The following ADARB1 variants were observed in gnomAD, a reference collection of about 807,000 sequenced individuals.
ADARB1 encodes double-stranded RNA-specific editase 1.
A neutral mutation model predicts 52.4 loss-of-function variants in ADARB1; 10 were observed. The ratio of observed to expected loss-of-function variants is 0.19; its 90% CI spans 0.12 to 0.32. The LOEUF (loss-of-function observed/expected upper bound fraction) is 0.32, where lower values mean the gene tolerates loss of function less well. Among genes scored for constraint, ADARB1 ranks in the 10% least tolerant of loss-of-function variants. ADARB1 has a pLI of 1.00. For missense variants in ADARB1, 643 were observed against 922.3 expected (o/e 0.70, Z 3.92); for synonymous variants, 349 against 371.1 (o/e 0.94, Z 0.68).
intron 3 of ADARB1, among the ~76,000 whole-genome samples, chr21:45,174,246 G>T (rs1161264384): frequency 6.6e-6 from 1 of 152,184 alleles, no homozygotes; most frequent in Non-Finnish European, 1.5e-5. Context: ...TTGAAATCTA[G>T]TGGTAGATGT....
At chr21:45,113,517 GTGTGTGTA>G (rs1330076791) in intron 1 of ADARB1, among the ~76,000 whole-genome samples, 2 of 149,926 alleles carry the variant, frequency 1.3e-5, no homozygotes, top group African/African-American at 2.4e-5. Flanking sequence ...GTGTGTGTGT[GTGTGTGTA>G]TATATATATA....
intron 3 of ADARB1, 131 bp from the exon 4 acceptor site, chr21:45,175,599 C>T (rs1242917834): frequency 3.3e-6 from 3 of 906,966 alleles, no homozygotes; most frequent in Non-Finnish European, 5.1e-6. Context: ...TTCATGTATA[C>T]ATCAAGGAAT....
In ADARB1 at chr21:45,220,854, C is replaced by T; in HGVS notation, c.1766C>T (p.Ala589Val). 1 of 1,613,282 alleles carries T rather than the reference C, an allele frequency of 6.2e-7. No homozygotes were observed. Among genetic ancestry groups the T allele is most frequent in the East Asian group, 2.2e-5 (1 of 44,872 alleles). The part of the protein sequence containing the change: ...PLLSGISNAE[A>V]RQPGKAPNFS... ...GTTTCAGGCATCAGCAATGCAGAAG[C>T]ACGGCAGCCAGGGAAGGCCCCCAAC... Residue 589 changes from alanine to valine, a missense_variant, in exon 10 of 11, where the codon GCA (alanine) becomes GTA (valine). Around this residue, in one of 2 missense-constraint regions of ADARB1, gnomAD observed 263 missense variants for 475.8 expected, o/e 0.55. Transcript: ENST00000348831. This position sits in a 1 kb window ranked among gnomAD's most constrained non-coding sequence, Gnocchi z 6.3.
intron 2 of ADARB1, among the ~76,000 whole-genome samples, chr21:45,150,255 C>T (rs1173009750): frequency 6.6e-6 from 1 of 152,194 alleles, no homozygotes; most frequent in Non-Finnish European, 1.5e-5. Flanking sequence ...GCCTGGGCAA[C>T]AGAGCAAAAC....
At chr21:45,144,223 A>G (rs1483897420) in intron 2 of ADARB1, among the ~76,000 whole-genome samples, 1 of 152,240 alleles carries the variant, frequency 6.6e-6, no homozygotes, top group Admixed American at 6.5e-5. Context: ...TAATAAACTC[A>G]TATTTCCCCT....
chr21:45,213,628 T>A (rs2092810451), intron 9 of ADARB1, among the ~76,000 whole-genome samples: 2 of 152,262 alleles, frequency 1.3e-5, no homozygotes, highest in Non-Finnish European at 2.9e-5. Context: ...TCTGGGATTT[T>A]ACATAAATGT....
At chr21:45,165,422 GTGTT>G (rs1458818087) in intron 2 of ADARB1, among the ~76,000 whole-genome samples, 1 of 152,092 alleles carries the variant, frequency 6.6e-6, no homozygotes, top group East Asian at 1.9e-4. Context: ...TAGAAAAAAT[GTGTT>G]TGCTGAAAAT....
rs892731305 is a variant in ADARB1 at position 45,224,145 on chromosome 21, G to T, written c.*1948G>T. On this transcript the variant is annotated 3_prime_UTR_variant, in exon 11 of 11. Transcript: ENST00000348831. ...TGCATTTTTATTGTCTTGATAAATT[G>T]TATTTTTTTCTAATGGGGATTGGGA... is the stretch of plus-strand genomic sequence containing the variant. 9 of 985,402 alleles carry T rather than the reference G, an allele frequency of 9.1e-6. No individual in the cohort carries two copies. The highest frequency in any genetic ancestry group is 5.2e-4 in the Middle Eastern group (1 of 1,914). The allele number at this position is 985,402 out of a possible 1,614,324, so 61.0% of individuals were successfully genotyped here.
At chr21:45,184,534 G>A (rs994308069) in intron 7 of ADARB1, 2 of 351,502 alleles carry the variant, frequency 5.7e-6, no homozygotes, top group Admixed American at 3.2e-5. Context: ...CTGCAGCCTC[G>A]ACCTCCTGGG....
In ADARB1 at chr21:45,208,928, T is replaced by C. The variant is rs997434222; in HGVS notation, c.1747+4192T>C. On this transcript the variant is annotated intron_variant, in intron 9 of 10. Coordinates refer to ENST00000348831, the MANE Select transcript of ADARB1 (RefSeq NM_001112.4). The surrounding 1 kb of genome is among the most constrained non-coding windows in gnomAD (Gnocchi z 5.6). ...TTCTTTTCATCTGACAATTTTTCTT[T>C]CCATTTTACTTTCTGTTTTCCTCCC... Among the ~76,000 whole-genome samples the C allele has an allele frequency of 6.6e-6, 1 of 152,200 alleles. No individual in the cohort carries two copies. Among genetic ancestry groups the C allele is most frequent in the Admixed American group, 6.5e-5 (1 of 15,284 alleles).
intron 2 of ADARB1, among the ~76,000 whole-genome samples, chr21:45,129,365 T>C (rs1052860349): frequency 1.3e-5 from 2 of 152,260 alleles, no homozygotes; most frequent in Non-Finnish European, 2.9e-5. Flanking sequence ...AATTTACTTA[T>C]GAGCAGCTGA....
intron 2 of ADARB1, among the ~76,000 whole-genome samples, chr21:45,140,907 G>A (rs899278213): frequency 9.2e-5 from 14 of 152,176 alleles, no homozygotes; most frequent in Admixed American, 3.3e-4. Flanking sequence ...TCTAAAAATT[G>A]TGGCCAGGTG....
At chr21:45,209,863 T>C (rs2092733776) in intron 9 of ADARB1, among the ~76,000 whole-genome samples, 2 of 152,226 alleles carry the variant, frequency 1.3e-5, no homozygotes, top group Admixed American at 6.5e-5. Context: ...CTCTGCCCTC[T>C]CTGTTGTCCC....
At chr21:45,119,714 G>C (rs2088046421) in intron 1 of ADARB1, among the ~76,000 whole-genome samples, 1 of 152,148 alleles carries the variant, frequency 6.6e-6, no homozygotes, top group Non-Finnish European at 1.5e-5. Flanking sequence ...ATTTAGAGGA[G>C]GTTCTATACA....
In ADARB1 at chr21:45,193,132, A is replaced by G. The variant is rs143375719; in HGVS notation, c.1565+8041A>G. On this transcript the variant is annotated intron_variant, in intron 8 of 10. Coordinates refer to ENST00000348831, the MANE Select transcript of ADARB1 (RefSeq NM_001112.4). ...GGTTCCAAAACCAGATGAAGACACC[A>G]CAAGAAAATAAAACTACATGTTAAA... is the stretch of plus-strand genomic sequence containing the variant. Among the ~76,000 whole-genome samples, 324 of 152,348 alleles carry G rather than the reference A, an allele frequency of 2.1e-3. 2 individuals are homozygous for G. The highest frequency in any genetic ancestry group is 7.0e-3 in the African/African-American group (290 of 41,576).
At position 45,175,897 on chromosome 21, in the gene ADARB1, C is replaced by T. The variant is rs143795052; in HGVS notation, c.196C>T (p.Arg66Cys). The stretch of plus-strand genomic sequence containing the variant: ...GGGCAGCAATGGCCACTCCAAGTAC[C>T]GCCTGAAGAAAAGGAGGAAAACACC... Reference protein sequence around the residue: ...EEGSNGHSKYRLKKRRKTPGP... With the variant: ...EEGSNGHSKYCLKKRRKTPGP... Residue 66 changes from arginine to cysteine, a missense_variant, in exon 4 of 11, where the codon CGC (arginine) becomes TGC (cysteine). This residue lies in a region of ADARB1 where 380 missense variants were observed against 446.5 expected (regional missense o/e 0.85). Coordinates refer to ENST00000348831, the MANE Select transcript of ADARB1 (RefSeq NM_001112.4). 112 of 1,610,488 alleles carry T rather than the reference C, an allele frequency of 7.0e-5. No individual in the cohort carries two copies. The highest frequency in any genetic ancestry group is 2.0e-4 in the Admixed American group (12 of 59,282).
rs1602071502 is a variant in ADARB1 at position 45,220,809 on chromosome 21, A to G, written c.1748-27A>G. The G allele has an allele frequency of 6.2e-7, 1 of 1,605,624 alleles. No homozygotes were observed. The highest frequency in any genetic ancestry group is 1.1e-5 in the South Asian group (1 of 90,842). On this transcript the variant is annotated intron_variant, in intron 9 of 10. Transcript: ENST00000348831. This position sits in a 1 kb window ranked among gnomAD's most constrained non-coding sequence, Gnocchi z 6.3. ...CCCTGGGGGTGAAAGCGGGCTTCAC[A>G]CCACCTTCCTGTGTCTTCCGTTTCA...
At chr21:45,210,270 C>T (rs1432489649) in intron 9 of ADARB1, among the ~76,000 whole-genome samples, 3 of 152,186 alleles carry the variant, frequency 2.0e-5, no homozygotes, top group Admixed American at 1.3e-4. Context: ...TTGAGCTCCC[C>T]TGACTGGAAG....
chr21:45,170,012 A>G (rs1252302881), intron 2 of ADARB1, among the ~76,000 whole-genome samples: 1 of 152,206 alleles, frequency 6.6e-6, no homozygotes, highest in Non-Finnish European at 1.5e-5. Flanking sequence ...CTCCCATTCT[A>G]GACCTTAACC....
Sources: allele counts gnomAD v4.1 joint callset (sites outside exome capture counted in the v4.1 genomes callset), GRCh38; gene constraint gnomAD v4.1.1; regional missense constraint gnomAD v4.1.1; non-coding constraint Gnocchi (gnomAD v3.1); transcripts MANE v1.5; gene names NCBI Gene and HGNC (gene_info 2026-07-23, HGNC 2026-07-21).